Variants in SLC6A17 observed in about 807,000 individuals in gnomAD.
The protein encoded by SLC6A17 is solute carrier family 6 member 17.
In SLC6A17, 21 loss-of-function variants were observed where a neutral mutation model predicts 64.5. The observed-to-expected ratio is 0.33, with a 90% confidence interval of 0.23 to 0.47. The LOEUF (loss-of-function observed/expected upper bound fraction) is 0.47. Ranked by LOEUF, SLC6A17 falls within the 20% of genes least tolerant of loss-of-function variation. The pLI is 1.00. For missense variants in SLC6A17, 682 were observed against 963.2 expected, an observed-to-expected ratio of 0.71 and a Z score of 3.86; for synonymous variants, 372 against 399.5, an observed-to-expected ratio of 0.93 and a Z score of 0.82.
At chr1:110,171,554 G>A (rs772362187) in intron 2 of SLC6A17, among the ~76,000 whole-genome samples, 3 of 152,166 alleles carry the variant, frequency 2.0e-5, no homozygotes, top group Non-Finnish European at 2.9e-5. Flanking sequence ...TCCAAGCTCA[G>A]CTTCCCTGGA....
At chr1:110,159,365 G>T (rs1407152086) in intron 1 of SLC6A17, among the ~76,000 whole-genome samples, 1 of 152,192 alleles carries the variant, frequency 6.6e-6, no homozygotes, top group Non-Finnish European at 1.5e-5. Flanking sequence ...AGATCTGTTT[G>T]CACTGGCCAC....
intron 1 of SLC6A17, among the ~76,000 whole-genome samples, chr1:110,159,614 A>T (rs1178717617): frequency 6.6e-6 from 1 of 152,170 alleles, no homozygotes; most frequent in East Asian, 1.9e-4. Flanking sequence ...CCACCCAAAG[A>T]TGATTTCCCT....
chr1:110,165,762 G>A (rs1342518387), intron 1 of SLC6A17, among the ~76,000 whole-genome samples: 1 of 152,044 alleles, frequency 6.6e-6, no homozygotes, highest in Non-Finnish European at 1.5e-5. Flanking sequence ...AGAACAAACG[G>A]AGCCCAGCTT....
intron 6 of SLC6A17, among the ~76,000 whole-genome samples, chr1:110,179,365 G>A (rs1029239671): frequency 6.6e-6 from 1 of 152,150 alleles, no homozygotes; most frequent in African/African-American, 2.4e-5. Context: ...ACTCCCAAAT[G>A]GTTGTATCTG....
rs1208689546 is a variant in SLC6A17, at chr1:110,200,284, C to T, written c.*1840C>T. ...CCCCTTTCTAGCCCCCTCTGCCCTA[C>T]CTGTCTTTCCTGAGTGTTTGAGGGG... On this transcript the variant is annotated 3_prime_UTR_variant, in exon 12 of 12. Transcript: ENST00000331565. The T allele has an allele frequency of 1.5e-5, 6 of 392,060 alleles. No individual in the cohort carries two copies. The highest frequency in any genetic ancestry group is 8.3e-5 in the African/African-American group (4 of 48,176). 24.3% of individuals were successfully genotyped at this position (392,060 alleles called of 1,614,324 possible). A position where few individuals can be genotyped will look rare whatever the true frequency, so the allele number is the denominator to read the frequency against.
chr1:110,174,972 G>A lies in SLC6A17; in HGVS notation c.753+12G>A. Reference sequence around the variant, plus strand: ...AGTCCTCGGGGAAGGTGAGTGCTGAGGGGGGCACCCAGGACCCAAATGGGG... The same window carrying A: ...AGTCCTCGGGGAAGGTGAGTGCTGAAGGGGGCACCCAGGACCCAAATGGGG... On this transcript the variant is annotated intron_variant, in intron 5 of 11. Coordinates refer to ENST00000331565, the MANE Select transcript of SLC6A17 (RefSeq NM_001010898.4). The A allele has an allele frequency of 1.2e-6, 2 of 1,609,938 alleles. No individual in the cohort carries two copies. The highest frequency in any genetic ancestry group is 1.3e-5 in the African/African-American group (1 of 74,952).
At chr1:110,194,909 G>GGCTCCA in intron 9 of SLC6A17, 138 bp downstream of exon 9, 1 of 1,062,676 alleles carries the variant, frequency 9.4e-7, no homozygotes. Context: ...GCTGGAGCCT[G>GGCTCCA]GCTGTGCCAC....
chr1:110,183,059 C>T (rs1002673587), intron 6 of SLC6A17, among the ~76,000 whole-genome samples: 3 of 152,092 alleles, frequency 2.0e-5, no homozygotes, highest in African/African-American at 7.2e-5. Flanking sequence ...TGGAAAACAG[C>T]GTGGCAGTTC....
rs571319091 is a variant in SLC6A17 at position 110,174,166 on chromosome 1, C to T, written c.571+67C>T. 116 of 1,576,016 alleles carry T rather than the reference C, an allele frequency of 7.4e-5. 1 individual carries two copies. The East Asian group carries it at 1.9e-3, about 26-fold the overall frequency. On this transcript the variant is annotated intron_variant, in intron 4 of 11. Transcript: ENST00000331565. ...CCAGGAAGGGGTCTCACAAGCTTAG[C>T]GCACACATTTGGAATTTCAGACTTG... is the stretch of plus-strand genomic sequence containing the variant.
chr1:110,200,127 T>C lies in SLC6A17; in HGVS notation c.*1683T>C, dbSNP rs988156393. ...TCACTCTTGTGGCTCAGATTGCTCT[T>C]AGGACCTGGAGGGACAGACCAGAAT... On this transcript the variant is annotated 3_prime_UTR_variant, in exon 12 of 12. Transcript: ENST00000331565. 2.8e-5 allele frequency: 11 copies of C among 398,444 alleles called. No individual in the cohort carries two copies. The highest frequency in any genetic ancestry group is 4.4e-5 in the Non-Finnish European group (10 of 226,072). The allele number at this position is 398,444 out of a possible 1,614,324, so 24.7% of individuals were successfully genotyped here.
chr1:110,166,539 T>A (rs2101842935), intron 1 of SLC6A17, among the ~76,000 whole-genome samples: 1 of 152,346 alleles, frequency 6.6e-6, no homozygotes, highest in African/African-American at 2.4e-5. Flanking sequence ...CTCTGCAGTA[T>A]GGAAGAGGGA....
chr1:110,154,330 T>A (rs560909046), intron 1 of SLC6A17, among the ~76,000 whole-genome samples: 1 of 152,230 alleles, frequency 6.6e-6, no homozygotes, highest in African/African-American at 2.4e-5. Context: ...CCAAACTTCA[T>A]GTTCCTAACC....
Position 110,198,475 on chromosome 1 carries a change from C to G in SLC6A17, c.*31C>G, listed in dbSNP as rs772130010. The G allele has an allele frequency of 6.3e-7, 1 of 1,576,258 alleles. No individual in the cohort carries two copies. Among genetic ancestry groups the G allele is most frequent in the South Asian group, 1.2e-5 (1 of 84,494 alleles). On this transcript the variant is annotated 3_prime_UTR_variant, in exon 12 of 12. Transcript: ENST00000331565. ...GCCCAAGCCCTGCCCGCCTCTCCCCCCACGCTCAACCTGCCCACTTGTCCA... is the reference window on the plus strand; with the variant it reads ...GCCCAAGCCCTGCCCGCCTCTCCCCGCACGCTCAACCTGCCCACTTGTCCA...
At chr1:110,179,399 T>G (rs1435028743) in intron 6 of SLC6A17, among the ~76,000 whole-genome samples, 1 of 152,222 alleles carries the variant, frequency 6.6e-6, no homozygotes, top group Non-Finnish European at 1.5e-5. Flanking sequence ...AAGCTGTACA[T>G]GAAAATCCCA....
chr1:110,150,527 C>G lies in SLC6A17; in HGVS notation c.-444C>G, dbSNP rs935625059. ...AAGCGAGGGAACAGTGCGCGCAGCG[C>G]TCCGCCCAGCTCCGTTCTGCTCCGC... On this transcript the variant is annotated 5_prime_UTR_variant, in exon 1 of 12. Transcript: ENST00000331565. 2.6e-5 allele frequency: 4 copies of G among 152,298 alleles called. No individual in the cohort carries two copies. The highest frequency in any genetic ancestry group is 7.2e-5 in the African/African-American group (3 of 41,476). The allele number at this position is 152,298 out of a possible 1,614,324, so 9.4% of individuals were successfully genotyped here.
Position 110,198,407 on chromosome 1 carries a change from G to T in SLC6A17, c.2147G>T (p.Gly716Val), listed in dbSNP as rs1481286782. The T allele has an allele frequency of 2.5e-6, 4 of 1,613,256 alleles. No individual in the cohort carries two copies. Among genetic ancestry groups the T allele is most frequent in the Non-Finnish European group, 3.4e-6 (4 of 1,179,840 alleles). Residue 716 changes from glycine to valine, a missense_variant, in exon 12 of 12, where the codon GGC (glycine) becomes GTC (valine). Around this residue, in one of 3 missense-constraint regions of SLC6A17, gnomAD observed 264 missense variants for 339.5 expected, o/e 0.78. Coordinates refer to ENST00000331565, the MANE Select transcript of SLC6A17 (RefSeq NM_001010898.4). ...AACCCCAATGGACGCTATGGGAGCG[G>T]CTACCTGCTGGCCAGCACCCCTGAG... The part of the protein sequence containing the change: ...SGNPNGRYGS[G>V]YLLASTPESE...
chr1:110,169,931 T>C (rs72692312), intron 2 of SLC6A17, among the ~76,000 whole-genome samples: 180 of 152,276 alleles, frequency 1.2e-3, no homozygotes, highest in Non-Finnish European at 1.4e-3. Flanking sequence ...TAGGCCTTGG[T>C]GTGGTAGAGA....
rs755785427 is a variant in SLC6A17 at position 110,192,151 on chromosome 1, C to T, written c.1044C>T (p.Thr348=). 12 of 1,614,024 alleles carry T rather than the reference C, an allele frequency of 7.4e-6. No homozygotes were observed. The East Asian group carries it at 2.7e-4, about 36-fold the overall frequency. ...ACTTCTTCACGTCAGTGTTGGCCAC[C>T]CTCGTGGTGTTTGCTGTGCTGGGCT... is the stretch of plus-strand genomic sequence containing the variant. The part of the protein sequence containing the change: ...FINFFTSVLA[T]LVVFAVLGFK... The change falls in exon 7 of 12, where the codon ACC becomes ACT. Residue 348 remains threonine (T), a synonymous_variant. Coordinates refer to ENST00000331565, the MANE Select transcript of SLC6A17 (RefSeq NM_001010898.4). This position sits in a 1 kb window ranked among gnomAD's most constrained non-coding sequence, Gnocchi z 4.3.
chr1:110,201,640 T>C lies in SLC6A17; in HGVS notation c.*3196T>C, dbSNP rs2100959618. 6.6e-6 allele frequency: 1 copy of C among 152,456 alleles called. No individual in the cohort carries two copies. Among genetic ancestry groups the C allele is most frequent in the African/African-American group, 2.4e-5 (1 of 41,542 alleles). 9.4% of individuals were successfully genotyped at this position (152,456 alleles called of 1,614,324 possible). The stretch of plus-strand genomic sequence containing the variant: ...AGCTTCTGCCCTCCAGCAATACATG[T>C]GCAGGGGTTGCTGCTTTCCCAGTGC... On this transcript the variant is annotated 3_prime_UTR_variant, in exon 12 of 12. Transcript: ENST00000331565.
Sources: allele counts gnomAD v4.1 joint callset (sites outside exome capture counted in the v4.1 genomes callset), GRCh38; gene constraint gnomAD v4.1.1; regional missense constraint gnomAD v4.1.1; non-coding constraint Gnocchi (gnomAD v3.1); transcripts MANE v1.5; gene names NCBI Gene and HGNC (gene_info 2026-07-23, HGNC 2026-07-21).